Variants in MTMR3 observed in about 807,000 individuals in gnomAD.
MTMR3 encodes the protein phosphatidylinositol-3,5-bisphosphate 3-phosphatase MTMR3.
In MTMR3, 32 loss-of-function variants were observed where a neutral mutation model predicts 132.4. That is an observed-to-expected ratio of 0.24 (90% CI 0.18 to 0.32). MTMR3 has a LOEUF of 0.32. Among genes scored for constraint, MTMR3 ranks in the 10% least tolerant of loss-of-function variants. The pLI is 1.00. For synonymous variants in MTMR3, 556 were observed against 550.3 expected (o/e 1.01, Z -0.14); for missense variants, 1,216 against 1,489.6 (o/e 0.82, Z 3.02).
intron 9 of MTMR3, chr22:30,004,062 G>C (rs2067227390): frequency 6.6e-6 from 1 of 151,534 alleles, no homozygotes; most frequent in Non-Finnish European, 1.5e-5. Context: ...GGCAAACTCT[G>C]ATGCCCACTC....
intron 1 of MTMR3, among the ~76,000 whole-genome samples, chr22:29,945,939 TA>T (rs2065943948): frequency 1.3e-5 from 2 of 152,176 alleles, no homozygotes; most frequent in Non-Finnish European, 2.9e-5. Context: ...ATTGAAGGAC[TA>T]CGACAGGGAG....
chr22:29,925,628 A>C (rs2065500850), intron 1 of MTMR3, among the ~76,000 whole-genome samples: 1 of 151,950 alleles, frequency 6.6e-6, no homozygotes. Context: ...TAAAGTACAC[A>C]ACTAGGGCCG....
At chr22:30,001,807 A>C (rs2067181715) in intron 8 of MTMR3, 1 of 152,076 alleles carries the variant, frequency 6.6e-6, no homozygotes, top group Non-Finnish European at 1.5e-5. Context: ...TTGTATAGCT[A>C]CTCTTAGTCA....
intron 8 of MTMR3, chr22:29,999,073 C>T (rs1449206814): frequency 5.8e-6 from 2 of 345,872 alleles, no homozygotes; most frequent in Non-Finnish European, 1.0e-5. Context: ...GATCCTAGAA[C>T]CTTCCCTTTT....
intron 1 of MTMR3, among the ~76,000 whole-genome samples, chr22:29,923,978 A>T (rs1244420057): frequency 6.6e-6 from 1 of 152,214 alleles, no homozygotes; most frequent in Non-Finnish European, 1.5e-5. Context: ...TATTTTCTCC[A>T]TTCTGTGAGT....
At position 30,016,513 on chromosome 22, in the gene MTMR3, A is replaced by G. The variant is rs1452593773; in HGVS notation, c.1504-15A>G. 1 of 1,612,098 alleles carries G rather than the reference A, an allele frequency of 6.2e-7. No homozygotes were observed. Among genetic ancestry groups the G allele is most frequent in the Admixed American group, 1.7e-5 (1 of 59,796 alleles). The stretch of plus-strand genomic sequence containing the variant: ...TGCCTGATTGCTTAATTTGTGCTTC[A>G]TTGGACTTCCATAGGTGAAACTGGT... On this transcript the variant is annotated splice_polypyrimidine_tract_variant and intron_variant, in intron 14 of 19. Coordinates refer to ENST00000401950, the MANE Select transcript of MTMR3 (RefSeq NM_021090.4).
intron 3 of MTMR3, among the ~76,000 whole-genome samples, chr22:29,971,708 A>G (rs1379568056): frequency 6.6e-6 from 1 of 152,110 alleles, no homozygotes; most frequent in Non-Finnish European, 1.5e-5. Flanking sequence ...TTAACCAGAA[A>G]GAGAATTTAA....
intron 1 of MTMR3, among the ~76,000 whole-genome samples, chr22:29,934,315 C>T (rs889418603): frequency 2.6e-5 from 4 of 152,070 alleles, no homozygotes; most frequent in African/African-American, 9.7e-5. Context: ...GATCGTGCCA[C>T]TGCACTCCAG....
At chr22:29,889,510 C>T (rs2064750447) in intron 1 of MTMR3, among the ~76,000 whole-genome samples, 2 of 151,844 alleles carry the variant, frequency 1.3e-5, no homozygotes, top group Non-Finnish European at 2.9e-5. Flanking sequence ...TGGTTTCGAA[C>T]TCCTGACCTC....
rs2067794305 is a variant in MTMR3 at position 30,022,663 on chromosome 22, G to A, written c.3391G>A (p.Ala1131Thr). 2 of 1,611,476 alleles carry A rather than the reference G, an allele frequency of 1.2e-6. No homozygotes were observed. The highest frequency in any genetic ancestry group is 1.7e-6 in the Non-Finnish European group (2 of 1,179,972). Residue 1131 changes from alanine (A) to threonine (T), a missense_variant, in exon 19 of 20, where the codon GCC (alanine) becomes ACC (threonine). Transcript: ENST00000401950. ...CGCCCACTGCTATGCGTGCGACAGT[G>A]CCTTCTGGCTTGCCAGCAGGAAGCA... ...LAAHCYACDSAFWLASRKHHC... is the reference protein window; with the variant it reads ...LAAHCYACDSTFWLASRKHHC...
chr22:29,919,295 C>G (rs2065364861), intron 1 of MTMR3, among the ~76,000 whole-genome samples: 1 of 152,128 alleles, frequency 6.6e-6, no homozygotes, highest in Non-Finnish European at 1.5e-5. Context: ...TAACTATATA[C>G]ATACTTAAAA....
intron 5 of MTMR3, chr22:29,986,634 A>G (rs974572839): frequency 1.2e-5 from 12 of 960,174 alleles, no homozygotes; most frequent in Non-Finnish European, 1.5e-5. Context: ...TTGTTCTCAG[A>G]ACACAGGCAA....
chr22:30,021,107 G>C (rs954498823), intron 17 of MTMR3: 19 of 575,224 alleles, frequency 3.3e-5, no homozygotes, highest in Non-Finnish European at 5.9e-5. Flanking sequence ...TGTTGAGGCC[G>C]TTGGAGAGGA....
intron 1 of MTMR3, among the ~76,000 whole-genome samples, chr22:29,947,870 A>G (rs1004386822): frequency 2.6e-5 from 4 of 152,118 alleles, no homozygotes; most frequent in Non-Finnish European, 5.9e-5. Context: ...TGAATTGAAG[A>G]TGGTGTTCAG....
chr22:29,890,805 TGTAGACCAGTG>T (rs574455327), intron 1 of MTMR3, among the ~76,000 whole-genome samples: 3 of 152,292 alleles, frequency 2.0e-5, no homozygotes, highest in Admixed American at 2.0e-4. Context: ...AAGGGAGTGG[TGTAGACCAGTG>T]GTCTTCAAAC....
At chr22:29,955,013 A>C (rs1394315064) in intron 1 of MTMR3, among the ~76,000 whole-genome samples, 1 of 152,064 alleles carries the variant, frequency 6.6e-6, no homozygotes, top group Non-Finnish European at 1.5e-5. Flanking sequence ...GTGACAATCT[A>C]GGGTCTTACT....
At chr22:29,896,869 T>TCACACACACACA (rs61038012) in intron 1 of MTMR3, among the ~76,000 whole-genome samples, 5,489 of 138,090 alleles carry the variant, frequency 0.04, 142 homozygotes, top group Admixed American at 0.077. Flanking sequence ...CAGGCTTGTC[T>TCACACACACACA]CACACACACA....
chr22:30,007,862 C>G (rs767670468), intron 10 of MTMR3, 39 bp from the exon 11 acceptor site: 7 of 1,609,480 alleles, frequency 4.3e-6, no homozygotes, highest in Non-Finnish European at 5.9e-6. Flanking sequence ...CTGGGAGAGA[C>G]AGGCTCATTT....
intron 15 of MTMR3, chr22:30,017,559 G>A (rs1213196808): frequency 1.1e-5 from 2 of 185,282 alleles, no homozygotes; most frequent in Non-Finnish European, 2.2e-5. Context: ...TGTGCCAGCA[G>A]GATGGACAAT....
Sources: allele counts gnomAD v4.1 joint callset (sites outside exome capture counted in the v4.1 genomes callset), GRCh38; gene constraint gnomAD v4.1.1; transcripts MANE v1.5; gene names NCBI Gene and HGNC (gene_info 2026-07-23, HGNC 2026-07-21).